Variants in GOLGA1 observed in about 807,000 individuals in gnomAD.
GOLGA1 encodes the protein golgin subfamily A member 1.
GOLGA1 carries 63 observed loss-of-function variants against 119.7 expected under a neutral mutation model. The observed-to-expected ratio is 0.53, with a 90% CI of 0.43 to 0.65. GOLGA1 has a LOEUF of 0.65. Ranked by LOEUF, GOLGA1 falls within the 30% of genes least tolerant of loss-of-function variation. The probability of loss-of-function intolerance (pLI) is 0.00; values close to 1 mark genes in which losing one functional copy is unlikely to be tolerated. For missense variants in GOLGA1, 798 were observed against 912.8 expected (o/e 0.87, Z 1.62); for synonymous variants, 318 against 333.4 (o/e 0.95, Z 0.50).
At position 124,890,449 on chromosome 9, in the gene GOLGA1, G is replaced by A. The variant is rs192906152; in HGVS notation, c.1437C>T (p.Ser479=). Residue 479 remains serine (S), a synonymous_variant, in exon 16 of 23, where the codon AGC becomes AGT. Transcript: ENST00000373555. ...CCTCCAGGGCTTGAGCCATGGCCAC[G>A]CTCACAATTTCTCTTTGGCTCCATT... is the stretch of plus-strand genomic sequence containing the variant. ...KEEWSQREIV[S]VAMAQALEEV... is the part of the protein sequence containing the mutation. The A allele has an allele frequency of 5.0e-5, 80 of 1,613,372 alleles. No individual in the cohort carries two copies. In the African/African-American group the frequency reaches 8.8e-4, roughly 18 times the overall value.
chr9:124,923,304 T>C, intron 7 of GOLGA1, 81 bp from the exon 8 acceptor site: 12 of 1,261,310 alleles, frequency 9.5e-6, no homozygotes, highest in Non-Finnish European at 1.2e-5. Context: ...CTTTTCTTTT[T>C]TAAAATTTTT....
intron 12 of GOLGA1, among the ~76,000 whole-genome samples, chr9:124,906,438 A>C (rs1424520132): frequency 6.6e-6 from 1 of 150,384 alleles, no homozygotes; most frequent in Non-Finnish European, 1.5e-5. Context: ...CTCAAAAAAA[A>C]AGAAAGATTA....
intron 1 of GOLGA1, among the ~76,000 whole-genome samples, chr9:124,940,631 G>A (rs1205431875): frequency 6.6e-6 from 1 of 152,196 alleles, no homozygotes; most frequent in South Asian, 2.1e-4. Flanking sequence ...ACGGCAGTTT[G>A]GATCTCACTC....
intron 2 of GOLGA1, among the ~76,000 whole-genome samples, chr9:124,939,550 CTTTTTTTTTTTTTTTTT>C (rs3051147): frequency 3.7e-5 from 3 of 81,858 alleles, no homozygotes; most frequent in East Asian, 3.0e-4. Context: ...TTCTTTCTTT[CTTTTTTTTTTTTTTTTT>C]TTTTTTTTTT....
At chr9:124,885,322 C>CAA (rs34689664) in intron 19 of GOLGA1, among the ~76,000 whole-genome samples, 74,125 of 141,624 alleles carry the variant, frequency 0.52, 19,867 homozygotes, top group Non-Finnish European at 0.58. Context: ...GACTCCATCT[C>CAA]AAAAAAAAAA....
chr9:124,909,935 A>C (rs1022104241), intron 11 of GOLGA1, among the ~76,000 whole-genome samples: 1 of 150,902 alleles, frequency 6.6e-6, no homozygotes. Context: ...CAGCTAATTT[A>C]TTTATTTATT....
intron 11 of GOLGA1, among the ~76,000 whole-genome samples, chr9:124,909,270 C>T (rs772206689): frequency 2.0e-5 from 3 of 151,280 alleles, no homozygotes; most frequent in South Asian, 4.2e-4. Context: ...AGAGATTGTA[C>T]CACTGAACTC....
At chr9:124,908,772 T>A (rs547588710) in intron 11 of GOLGA1, among the ~76,000 whole-genome samples, 1 of 152,320 alleles carries the variant, frequency 6.6e-6, no homozygotes, top group African/African-American at 2.4e-5. Flanking sequence ...ACAGGGCAGG[T>A]AGGCAGCTTT....
chr9:124,898,563 G>C lies in GOLGA1; in HGVS notation c.1393C>G (p.Leu465Val), dbSNP rs115695869. 5 of 1,581,538 alleles carry C rather than the reference G, an allele frequency of 3.2e-6. No homozygotes were observed. The East Asian group carries it at 1.1e-4, about 35-fold the overall frequency. Residue 465 changes from leucine to valine, a missense_variant, in exon 15 of 23, where the codon CTA becomes GTA. Leu to Val is a conservative substitution (Grantham distance 32). Transcript: ENST00000373555. ...TAGATAAATACCTTCAGCTTCTTTA[G>C]TTCAAATTGGTGATTTTGTAAAGAA... ...ERSLQNHQFELKKLKEEWSQR... is the reference protein window; with the variant it reads ...ERSLQNHQFEVKKLKEEWSQR...
intron 3 of GOLGA1, among the ~76,000 whole-genome samples, chr9:124,937,101 TTTACATATATA>T (rs1259051020): frequency 3.3e-5 from 5 of 152,320 alleles, no homozygotes; most frequent in African/African-American, 1.2e-4. Context: ...TGCTTTATAC[TTTACATATATA>T]TTACATACAT....
At chr9:124,911,790 G>T in intron 11 of GOLGA1, 111 bp downstream of exon 11, 1 of 920,566 alleles carries the variant, frequency 1.1e-6, no homozygotes, top group South Asian at 1.6e-5. Context: ...CACTTCTTTT[G>T]TTACCATGCT....
chr9:124,934,936 A>G (rs1449420573), intron 3 of GOLGA1, among the ~76,000 whole-genome samples: 1 of 152,014 alleles, frequency 6.6e-6, no homozygotes, highest in Non-Finnish European at 1.5e-5. Flanking sequence ...AGTCCCAACT[A>G]CTCACGAGGC....
rs142341321 is a variant in GOLGA1 at position 124,913,541 on chromosome 9, A to G, written c.844-1515T>C. Among the ~76,000 whole-genome samples the G allele has an allele frequency of 3.9e-3, 595 of 152,320 alleles. 11 individuals carry two copies. The highest frequency in any genetic ancestry group is 0.018 in the East Asian group (93 of 5,182). ...TCTCTCCTCAGGATAAGATGCAGCA[A>G]CCAGGGTGTATGGTTTTGGGAAGAA... On this transcript the variant is annotated intron_variant, in intron 10 of 22. Transcript: ENST00000373555.
upstream of GOLGA1, chr9:124,948,033 T>C (rs13299805): frequency 0.044 from 6,743 of 152,198 alleles, 233 homozygotes; most frequent in Non-Finnish European, 0.063. Context: ...AGTTACTATA[T>C]CACACATGTC....
chr9:124,885,690 G>A (rs541979181), intron 19 of GOLGA1, among the ~76,000 whole-genome samples: 194 of 152,084 alleles, frequency 1.3e-3, no homozygotes, highest in Non-Finnish European at 4.7e-4. Flanking sequence ...AGGTTGGAGG[G>A]TACTTGATGG....
chr9:124,924,136 G>A (rs546179897), intron 7 of GOLGA1, among the ~76,000 whole-genome samples: 30 of 152,276 alleles, frequency 2.0e-4, no homozygotes, highest in Admixed American at 9.8e-4. Flanking sequence ...GATTACAGGC[G>A]TAAGCCACTG....
At chr9:124,947,071 G>A (rs1831156349) in intron 1 of GOLGA1, 1 of 151,990 alleles carries the variant, frequency 6.6e-6, no homozygotes, top group African/African-American at 2.4e-5. Context: ...AAACACTGAT[G>A]AAAAAAGAAT....
At chr9:124,901,761 C>T (rs1334622848) in intron 12 of GOLGA1, among the ~76,000 whole-genome samples, 3 of 152,130 alleles carry the variant, frequency 2.0e-5, no homozygotes, top group African/African-American at 7.2e-5. Flanking sequence ...TTAATAGAGA[C>T]GGGGTTTCAC....
intron 19 of GOLGA1, among the ~76,000 whole-genome samples, chr9:124,886,898 G>T (rs1291013786): frequency 6.6e-6 from 1 of 152,080 alleles, no homozygotes; most frequent in Non-Finnish European, 1.5e-5. Flanking sequence ...CACGGATGAG[G>T]TGGGGTTGCG....
Sources: allele counts gnomAD v4.1 joint callset (sites outside exome capture counted in the v4.1 genomes callset), GRCh38; gene constraint gnomAD v4.1.1; transcripts MANE v1.5; gene names NCBI Gene and HGNC (gene_info 2026-07-23, HGNC 2026-07-21).